Variants in RPS6KA2 observed in about 807,000 individuals in gnomAD.
The protein encoded by RPS6KA2 is ribosomal protein S6 kinase A2, also known as ribosomal protein S6 kinase alpha-2.
A neutral mutation model predicts 91.8 loss-of-function variants in RPS6KA2; 42 were observed. The ratio of observed to expected loss-of-function variants is 0.46; its 90% CI spans 0.36 to 0.59. The LOEUF is 0.59. Among genes scored for constraint, RPS6KA2 ranks in the 20% least tolerant of loss-of-function variants. The pLI is 0.00. For missense variants in RPS6KA2, 798 were observed against 978.5 expected (o/e 0.82, Z 2.46); for synonymous variants, 414 against 393.6 (o/e 1.05, Z -0.61).
rs551797116 is a variant in RPS6KA2 at position 166,702,311 on chromosome 6, C to A, written c.123+155889G>T. ...CCTTGAGGAGCCCCTCTGCCCAAGC[C>A]CCCGGCGACCTCGGGGCTGCAGAAA... On this transcript the variant is annotated intron_variant, in intron 2 of 21. Coordinates refer to the RPS6KA2 transcript ENST00000503859. The A allele has an allele frequency of 2.5e-6, 4 of 1,613,572 alleles. No homozygotes were observed. The East Asian group carries it at 6.7e-5, about 27-fold the overall frequency.
chr6:166,672,724 G>T (rs866152652), intron 2 of RPS6KA2, among the ~76,000 whole-genome samples: 2 of 152,208 alleles, frequency 1.3e-5, no homozygotes, highest in African/African-American at 4.8e-5. Flanking sequence ...CCGGCTCACC[G>T]GATGAGAGCA....
chr6:166,854,126 A>C (rs1780823740), intron 2 of RPS6KA2, among the ~76,000 whole-genome samples: 1 of 152,158 alleles, frequency 6.6e-6, no homozygotes, highest in Non-Finnish European at 1.5e-5. Flanking sequence ...CCATCCCGTG[A>C]ATTTATGACA....
At chr6:166,457,537 G>A (rs1480882265) in intron 12 of RPS6KA2, among the ~76,000 whole-genome samples, 1 of 152,140 alleles carries the variant, frequency 6.6e-6, no homozygotes, top group Non-Finnish European at 1.5e-5. Context: ...ATGAACCAAA[G>A]CTATAATGAT....
chr6:166,568,339 C>T (rs1050614588), intron 1 of RPS6KA2, among the ~76,000 whole-genome samples: 20 of 152,100 alleles, frequency 1.3e-4, no homozygotes, highest in Non-Finnish European at 2.4e-4. Context: ...CTTGGCCAGG[C>T]GCGGTGACTC....
At chr6:166,511,785 A>T (rs1479435550) in intron 3 of RPS6KA2, among the ~76,000 whole-genome samples, 2 of 152,272 alleles carry the variant, frequency 1.3e-5, no homozygotes, top group African/African-American at 4.8e-5. Flanking sequence ...AATAATAAAA[A>T]GAAAATAGAA....
intron 1 of RPS6KA2, among the ~76,000 whole-genome samples, chr6:166,550,820 G>A (rs968447362): frequency 6.6e-6 from 1 of 151,886 alleles, no homozygotes; most frequent in Non-Finnish European, 1.5e-5. Context: ...GGCTAACACG[G>A]TGAAACCCCG....
At chr6:166,823,574 A>G (rs537040471) in intron 2 of RPS6KA2, among the ~76,000 whole-genome samples, 2 of 152,232 alleles carry the variant, frequency 1.3e-5, no homozygotes, top group African/African-American at 4.8e-5. Flanking sequence ...ATGTGGGCTT[A>G]GGGGAAGAGA....
chr6:166,423,530 C>T lies in RPS6KA2; in HGVS notation c.1582-113G>A. ...TTGGGAACTGTCTTCCTAGCAGGTC[C>T]TGCAAGCAGGCAACAGGCCAACAGT... On this transcript the variant is annotated intron_variant, in intron 16 of 20. Coordinates refer to ENST00000265678, the MANE Select transcript of RPS6KA2 (RefSeq NM_021135.6). This position sits in a 1 kb window ranked among gnomAD's most constrained non-coding sequence, Gnocchi z 4.8. The T allele has an allele frequency of 9.5e-7, 1 of 1,053,928 alleles. No homozygotes were observed. The highest frequency in any genetic ancestry group is 1.4e-6 in the Non-Finnish European group (1 of 734,454). 65.3% of individuals were successfully genotyped at this position (1,053,928 alleles called of 1,614,324 possible). A position where few individuals can be genotyped will look rare whatever the true frequency, so the allele number is the denominator to read the frequency against.
rs2128549381 is a variant in RPS6KA2, at chr6:166,639,807, CA to C, written c.124-101024del. ...AAGCCACACCGAGATCACTCCACCC[CA>C]CAGGCCCTGTTGGGGTCTCTCCTGG... On this transcript the variant is annotated intron_variant, in intron 2 of 21. Transcript: ENST00000503859. The surrounding 1 kb of genome is among the most constrained non-coding windows in gnomAD (Gnocchi z 4.2). Among the ~76,000 whole-genome samples the C allele has an allele frequency of 6.6e-6, 1 of 152,278 alleles. No individual in the cohort carries two copies. The highest frequency in any genetic ancestry group is 2.4e-5 in the African/African-American group (1 of 41,548).
At chr6:166,858,347 TA>T in intron 1 of RPS6KA2, 3 of 701,320 alleles carry the variant, frequency 4.3e-6, no homozygotes. Flanking sequence ...GAAAAAGTAC[TA>T]ACTAAATATC....
chr6:166,494,276 C>T lies in RPS6KA2; in HGVS notation c.748-3535G>A, dbSNP rs1781705494. On this transcript the variant is annotated intron_variant, in intron 8 of 20. Coordinates refer to ENST00000265678, the MANE Select transcript of RPS6KA2 (RefSeq NM_021135.6). The surrounding 1 kb of genome is among the most constrained non-coding windows in gnomAD (Gnocchi z 5.1). ...AGCTGCTCTCGCTCCGTGTGCTGCA[C>T]CCCACTCCGAGTGCCAAGAATCTCA... 6.6e-6 allele frequency among the ~76,000 whole-genome samples: 1 copy of T among 152,142 alleles called. No individual in the cohort carries two copies. The highest frequency in any genetic ancestry group is 1.5e-5 in the Non-Finnish European group (1 of 68,032).
intron 12 of RPS6KA2, among the ~76,000 whole-genome samples, chr6:166,455,140 CTGTACT>C (rs1780056902): frequency 6.6e-6 from 1 of 152,110 alleles, no homozygotes; most frequent in South Asian, 2.1e-4. Context: ...TGTTTAGGTG[CTGTACT>C]TTGAAAGGAA....
At chr6:166,413,737 G>C (rs1358669257) in intron 20 of RPS6KA2, 57 bp downstream of exon 20, 1 of 1,579,028 alleles carries the variant, frequency 6.3e-7, no homozygotes, top group Admixed American at 1.7e-5. Flanking sequence ...AAGGTATCAG[G>C]CTCTTTTCTG....
In RPS6KA2 at chr6:166,448,361, AG is replaced by A. The variant is rs1226176033; in HGVS notation, c.1332+362del. On this transcript the variant is annotated intron_variant, in intron 14 of 20. Transcript: ENST00000265678. This position sits in a 1 kb window ranked among gnomAD's most constrained non-coding sequence, Gnocchi z 4.7. ...TGTATGTCATACACCAAGCTACGAA[AG>A]GTGCTCAGTCCCTGCGTGGTACATA... Among the ~76,000 whole-genome samples the A allele has an allele frequency of 6.6e-6, 1 of 152,204 alleles. No individual in the cohort carries two copies. Among genetic ancestry groups the A allele is most frequent in the African/African-American group, 2.4e-5 (1 of 41,444 alleles).
intron 2 of RPS6KA2, among the ~76,000 whole-genome samples, chr6:166,707,057 T>C (rs1338193193): frequency 6.6e-6 from 1 of 152,202 alleles, no homozygotes; most frequent in Non-Finnish European, 1.5e-5. Flanking sequence ...ATAATTAGTG[T>C]GCAGGAAGAA....
rs1157042330 is a variant in RPS6KA2 at position 166,508,477 on chromosome 6, C to T, written c.380-195G>A. On this transcript the variant is annotated intron_variant, in intron 4 of 20. Transcript: ENST00000265678. The surrounding 1 kb of genome is among the most constrained non-coding windows in gnomAD (Gnocchi z 4.3). ...GGGGTCTGACACTGTGAGCGCTGCC[C>T]CTCTCTCACTGTCGTTAGGGGGCCT... 1.3e-5 allele frequency among the ~76,000 whole-genome samples: 2 copies of T among 152,264 alleles called. No homozygotes were observed. Among genetic ancestry groups the T allele is most frequent in the Non-Finnish European group, 2.9e-5 (2 of 68,038 alleles).
At chr6:166,840,793 C>T (rs981115220) in intron 2 of RPS6KA2, among the ~76,000 whole-genome samples, 2 of 151,944 alleles carry the variant, frequency 1.3e-5, no homozygotes, top group African/African-American at 2.4e-5. Flanking sequence ...GAAACACTGT[C>T]ACTACTAAAA....
chr6:166,724,589 T>C (rs1267684785), intron 2 of RPS6KA2, among the ~76,000 whole-genome samples: 1 of 152,230 alleles, frequency 6.6e-6, no homozygotes, highest in Non-Finnish European at 1.5e-5. Context: ...CTCACCCCAC[T>C]TATGCTTTGT....
At chr6:166,763,449 C>G (rs746412050) in intron 2 of RPS6KA2, among the ~76,000 whole-genome samples, 1 of 152,200 alleles carries the variant, frequency 6.6e-6, no homozygotes, top group African/African-American at 2.4e-5. Flanking sequence ...ATGCTCTTAT[C>G]TGTAAAATGG....
Sources: allele counts gnomAD v4.1 joint callset (sites outside exome capture counted in the v4.1 genomes callset), GRCh38; gene constraint gnomAD v4.1.1; non-coding constraint Gnocchi (gnomAD v3.1); transcripts MANE v1.5; gene names NCBI Gene and HGNC (gene_info 2026-07-23, HGNC 2026-07-21).